Variants in TKTL1 observed in about 807,000 individuals in gnomAD.
TKTL1 encodes the protein transketolase like 1.
A neutral mutation model predicts 39.3 loss-of-function variants in TKTL1; 1 was observed. The ratio of observed to expected loss-of-function variants is 0.03; its 90% CI spans 0.01 to 0.12. TKTL1 has a LOEUF of 0.12. Among genes scored for constraint, TKTL1 ranks in the 10% least tolerant of loss-of-function variants. The pLI is 1.00. For missense variants in TKTL1, 575 were observed against 509.6 expected, an observed-to-expected ratio of 1.13 and a Z score of -1.24; for synonymous variants, 262 against 193.8, an observed-to-expected ratio of 1.35 and a Z score of -2.92.
chrX:154,301,913 T>C (rs1443454677), intron 1 of TKTL1, among the ~76,000 whole-genome samples: 5 of 109,675 alleles, frequency 4.6e-5, no homozygotes, highest in African/African-American at 1.3e-4. Flanking sequence ...TTTTCTTTTT[T>C]CTTTTTTTTT....
At chrX:154,304,424 T>A (rs1165340513) in intron 1 of TKTL1, among the ~76,000 whole-genome samples, 2 of 110,183 alleles carry the variant, frequency 1.8e-5, no homozygotes, top group African/African-American at 6.7e-5. Context: ...CCTCTTTTTG[T>A]GTCCTTTGAA....
At chrX:154,313,389 T>C (rs1557168797) in intron 6 of TKTL1, among the ~76,000 whole-genome samples, 1 of 111,951 alleles carries the variant, frequency 8.9e-6, no homozygotes, top group East Asian at 2.8e-4. Flanking sequence ...CAAGTCCTTT[T>C]GGTTTTTAGC....
Sources: gnomAD v4.1 joint callset for allele counts (sites outside exome capture counted in the v4.1 genomes callset) on GRCh38, gnomAD v4.1.1 for gene constraint, MANE v1.5 for transcripts, NCBI Gene and HGNC (gene_info 2026-07-23, HGNC 2026-07-21) for gene names.